The following ERBB4 variants were observed in gnomAD, a reference collection of about 807,000 sequenced individuals.
ERBB4 encodes erb-b2 receptor tyrosine kinase 4, also known as receptor tyrosine-protein kinase erbB-4.
ERBB4 carries 42 observed loss-of-function variants against 158.0 expected under a neutral mutation model. The observed-to-expected ratio is 0.27, with a 90% CI of 0.21 to 0.34. The LOEUF (loss-of-function observed/expected upper bound fraction) is 0.34. Ranked by LOEUF, ERBB4 falls within the 10% of genes least tolerant of loss-of-function variation. The pLI, the probability that ERBB4 is intolerant of heterozygous loss-of-function variation, is 1.00. For missense variants in ERBB4, 1,333 were observed against 1,624.1 expected (o/e 0.82, Z 3.08); for synonymous variants, 583 against 558.7 (o/e 1.04, Z -0.61).
intron 1 of ERBB4, among the ~76,000 whole-genome samples, chr2:212,265,128 C>T (rs2085083204): frequency 6.6e-6 from 1 of 152,048 alleles, no homozygotes; most frequent in Non-Finnish European, 1.5e-5. Context: ...CAGGACACTA[C>T]ACTTAACAAA....
intron 3 of ERBB4, among the ~76,000 whole-genome samples, chr2:211,851,667 T>C (rs1018084593): frequency 1.3e-5 from 2 of 151,968 alleles, no homozygotes; most frequent in Non-Finnish European, 2.9e-5. Context: ...TGGTATATTT[T>C]GGGATAATAT....
At chr2:212,036,600 G>A (rs749024795) in intron 2 of ERBB4, among the ~76,000 whole-genome samples, 7 of 151,984 alleles carry the variant, frequency 4.6e-5, no homozygotes, top group East Asian at 1.9e-4. Context: ...GAGTAGCTGG[G>A]ACTACAGGTG....
At chr2:212,107,327 C>CT (rs1387072404) in intron 2 of ERBB4, among the ~76,000 whole-genome samples, 1 of 151,964 alleles carries the variant, frequency 6.6e-6, no homozygotes, top group African/African-American at 2.4e-5. Flanking sequence ...TTTTTTGGAG[C>CT]TTTAAGATTT....
intron 20 of ERBB4, among the ~76,000 whole-genome samples, chr2:211,531,036 CA>C (rs1311118128): frequency 6.6e-6 from 1 of 152,026 alleles, no homozygotes; most frequent in Non-Finnish European, 1.5e-5. Context: ...TCATTTTTGA[CA>C]AAGGTACCAA....
intron 1 of ERBB4, among the ~76,000 whole-genome samples, chr2:212,367,498 T>C (rs999366659): frequency 7.9e-5 from 12 of 152,048 alleles, no homozygotes; most frequent in African/African-American, 1.9e-4. Flanking sequence ...GAAGATAACA[T>C]TGGAAAAACC....
At chr2:211,787,732 T>C (rs1022858727) in intron 4 of ERBB4, among the ~76,000 whole-genome samples, 3 of 152,160 alleles carry the variant, frequency 2.0e-5, no homozygotes, top group Non-Finnish European at 2.9e-5. Flanking sequence ...AGCCTTAAGT[T>C]TGTGGATAGT....
At chr2:212,495,458 A>G (rs112325667) in intron 1 of ERBB4, among the ~76,000 whole-genome samples, 1,752 of 152,334 alleles carry the variant, frequency 0.012, 15 homozygotes, top group Middle Eastern at 0.037. Context: ...GCCTATTAAA[A>G]GGGCATTTTC....
At chr2:212,370,638 T>C (rs1309215906) in intron 1 of ERBB4, among the ~76,000 whole-genome samples, 1 of 152,202 alleles carries the variant, frequency 6.6e-6, no homozygotes, top group Non-Finnish European at 1.5e-5. Flanking sequence ...ATTTTCATTT[T>C]AATTCCAATT....
intron 1 of ERBB4, among the ~76,000 whole-genome samples, chr2:212,370,378 T>C (rs1442207991): frequency 1.3e-5 from 2 of 152,148 alleles, no homozygotes. Flanking sequence ...AGCATCATGA[T>C]AATGGATTAA....
rs541573556 is a variant in ERBB4 at position 212,281,041 on chromosome 2, C to G, written c.83-156138G>C. The stretch of plus-strand genomic sequence containing the variant: ...ATTTTTTTTGTAAAGTCACATTCCT[C>G]TAGGAATTATTTACTAAAATTCTTC... On this transcript the variant is annotated intron_variant, in intron 1 of 27. Transcript: ENST00000342788. Among the ~76,000 whole-genome samples the G allele has an allele frequency of 5.3e-5, 8 of 151,760 alleles. No homozygotes were observed. In the South Asian group the frequency reaches 1.7e-3, roughly 31 times the overall value.
intron 12 of ERBB4, among the ~76,000 whole-genome samples, chr2:211,686,392 A>G (rs533485710): frequency 1.3e-5 from 2 of 152,288 alleles, no homozygotes; most frequent in East Asian, 3.9e-4. Flanking sequence ...GGCTGTTAAT[A>G]TATTACATTT....
intron 4 of ERBB4, among the ~76,000 whole-genome samples, chr2:211,761,032 T>C (rs1387786070): frequency 1.3e-5 from 2 of 151,816 alleles, no homozygotes; most frequent in Admixed American, 1.3e-4. Context: ...CCGTCTCTAC[T>C]AAAAATACAA....
intron 5 of ERBB4, among the ~76,000 whole-genome samples, chr2:211,738,379 T>G (rs71422754): frequency 0.39 from 57,420 of 148,086 alleles, 11,545 homozygotes; most frequent in South Asian, 0.6. Flanking sequence ...TTTTTTTTTT[T>G]TTTTTTTGAG....
At chr2:211,746,827 C>CAAAAA (rs11332306) in intron 5 of ERBB4, among the ~76,000 whole-genome samples, 2 of 105,710 alleles carry the variant, frequency 1.9e-5, no homozygotes, top group African/African-American at 3.3e-5. Flanking sequence ...GAGACTGTCT[C>CAAAAA]AAAAAAAAAA....
chr2:211,909,441 G>A (rs1160614407), intron 3 of ERBB4, among the ~76,000 whole-genome samples: 1 of 151,750 alleles, frequency 6.6e-6, no homozygotes, highest in Non-Finnish European at 1.5e-5. Flanking sequence ...CACAAACCTA[G>A]ATGGTATAGC....
chr2:212,323,202 T>C (rs184852105), intron 1 of ERBB4, among the ~76,000 whole-genome samples: 2 of 150,698 alleles, frequency 1.3e-5, no homozygotes, highest in East Asian at 3.9e-4. Context: ...AGAACCTCTT[T>C]TGACTAAATT....
intron 1 of ERBB4, among the ~76,000 whole-genome samples, chr2:212,340,161 A>G (rs1442552876): frequency 6.6e-6 from 1 of 151,960 alleles, no homozygotes; most frequent in Non-Finnish European, 1.5e-5. Context: ...TCAGCCTCCC[A>G]AAGTGCTGGT....
At chr2:212,523,015 C>A (rs1245345989) in intron 1 of ERBB4, among the ~76,000 whole-genome samples, 1 of 151,592 alleles carries the variant, frequency 6.6e-6, no homozygotes, top group Non-Finnish European at 1.5e-5. Context: ...ACAGGGGAAC[C>A]AAAAATAATG....
intron 1 of ERBB4, among the ~76,000 whole-genome samples, chr2:212,279,376 G>A (rs1448959952): frequency 2.6e-5 from 4 of 151,518 alleles, no homozygotes; most frequent in African/African-American, 9.7e-5. Context: ...ATAGAACGCT[G>A]CTGATTTCTA....
Sources: allele counts gnomAD v4.1 joint callset (sites outside exome capture counted in the v4.1 genomes callset), GRCh38; gene constraint gnomAD v4.1.1; transcripts MANE v1.5; gene names NCBI Gene and HGNC (gene_info 2026-07-23, HGNC 2026-07-21).